The following SGMS1 variants were observed in gnomAD, a reference collection of about 807,000 sequenced individuals.
The protein encoded by SGMS1 is sphingomyelin synthase 1.
A neutral mutation model predicts 46.2 loss-of-function variants in SGMS1; 13 were observed. The observed-to-expected ratio is 0.28, with a 90% CI of 0.18 to 0.45. The LOEUF (loss-of-function observed/expected upper bound fraction) is 0.45. SGMS1 is among the 20% of genes least tolerant of loss of function. The probability of loss-of-function intolerance (pLI) is 1.00; values close to 1 mark genes in which losing one functional copy is unlikely to be tolerated. For missense variants in SGMS1, 324 were observed against 519.9 expected, an observed-to-expected ratio of 0.62 and a Z score of 3.66; for synonymous variants, 203 against 187.8, an observed-to-expected ratio of 1.08 and a Z score of -0.66.
At chr10:50,358,025 A>G (rs1426561417) in intron 6 of SGMS1, among the ~76,000 whole-genome samples, 1 of 152,214 alleles carries the variant, frequency 6.6e-6, no homozygotes, top group Non-Finnish European at 1.5e-5. Flanking sequence ...CATGCCTGTA[A>G]TCGCAAAACT....
intron 8 of SGMS1, 88 bp downstream of exon 8, chr10:50,327,117 G>T: frequency 1.3e-6 from 1 of 759,420 alleles, no homozygotes; most frequent in Non-Finnish European, 2.3e-6. Flanking sequence ...GTATTCTGAA[G>T]AAACGTTTTC....
intron 4 of SGMS1, among the ~76,000 whole-genome samples, chr10:50,462,454 T>C (rs1341553826): frequency 6.6e-6 from 1 of 152,186 alleles, no homozygotes; most frequent in East Asian, 1.9e-4. Flanking sequence ...TCTCAGTCTA[T>C]TTTGAATAAT....
rs952137208 is a variant in SGMS1, at chr10:50,542,265, G to A, written c.-588-22344C>T. Among the ~76,000 whole-genome samples, 12 of 151,996 alleles carry A rather than the reference G, an allele frequency of 7.9e-5. No homozygotes were observed. The South Asian group carries it at 1.9e-3, about 24-fold the overall frequency. ...AGGTTCTATGTCTCAAAAAATGGCC[G>A]GAAGCATGTTTATTATTCTCCTTAA... On this transcript the variant is annotated intron_variant, in intron 2 of 10. Coordinates refer to ENST00000361781, the MANE Select transcript of SGMS1 (RefSeq NM_147156.4).
chr10:50,576,260 A>C (rs1448317314), intron 2 of SGMS1, among the ~76,000 whole-genome samples: 2 of 152,186 alleles, frequency 1.3e-5, no homozygotes, highest in African/African-American at 4.8e-5. Context: ...GTTCATCCTC[A>C]TTATAGACCC....
At chr10:50,501,671 C>A (rs1837662740) in intron 3 of SGMS1, among the ~76,000 whole-genome samples, 1 of 152,146 alleles carries the variant, frequency 6.6e-6, no homozygotes, top group Non-Finnish European at 1.5e-5. Flanking sequence ...TCTAGTGAGT[C>A]ATACTTTAAT....
At chr10:50,466,384 T>C (rs1248782043) in intron 4 of SGMS1, among the ~76,000 whole-genome samples, 1 of 152,100 alleles carries the variant, frequency 6.6e-6, no homozygotes, top group Non-Finnish European at 1.5e-5. Context: ...CTACAAATTG[T>C]TACACAGTAG....
intron 1 of SGMS1, among the ~76,000 whole-genome samples, chr10:50,594,569 A>C (rs1588887187): frequency 6.6e-6 from 1 of 152,236 alleles, no homozygotes; most frequent in African/African-American, 2.4e-5. Context: ...GATTTTATTT[A>C]TAGTAATTCT....
intron 1 of SGMS1, among the ~76,000 whole-genome samples, chr10:50,608,142 A>G (rs1267534313): frequency 6.6e-6 from 1 of 152,260 alleles, no homozygotes; most frequent in Non-Finnish European, 1.5e-5. Context: ...AGCAAGATTT[A>G]GCTTTGGCAA....
At chr10:50,535,561 G>A (rs1837993203) in intron 2 of SGMS1, among the ~76,000 whole-genome samples, 1 of 152,028 alleles carries the variant, frequency 6.6e-6, no homozygotes, top group Admixed American at 6.6e-5. Context: ...GTAGAGATGG[G>A]GTTTCACCAT....
Position 50,562,364 on chromosome 10 carries a change from G to GCACA in SGMS1, c.-589+27785_-589+27788dup, listed in dbSNP as rs80161779. ...TGTGTGTGTGTGTGTGTGCGCGCGC[G>GCACA]CACACACACACACTCACACACGGGC... is the stretch of plus-strand genomic sequence containing the variant. On this transcript the variant is annotated intron_variant, in intron 2 of 10. Transcript: ENST00000361781. Among the ~76,000 whole-genome samples the GCACA allele has an allele frequency of 2.3e-3, 332 of 147,032 alleles. 1 individual carries two copies. The highest frequency in any genetic ancestry group is 0.012 in the East Asian group (59 of 4,878).
At chr10:50,361,340 A>C (rs1589406510) in intron 6 of SGMS1, among the ~76,000 whole-genome samples, 2 of 151,412 alleles carry the variant, frequency 1.3e-5, no homozygotes, top group Non-Finnish European at 2.9e-5. Context: ...CTCTCCTCAT[A>C]CCCCCAGGAT....
At chr10:50,549,552 G>C (rs149329510) in intron 2 of SGMS1, among the ~76,000 whole-genome samples, 8 of 152,262 alleles carry the variant, frequency 5.3e-5, no homozygotes, top group African/African-American at 1.9e-4. Flanking sequence ...GAGGGATGGT[G>C]GGGGAGGGAG....
intron 3 of SGMS1, among the ~76,000 whole-genome samples, chr10:50,499,976 G>A (rs1358781105): frequency 6.6e-6 from 1 of 152,202 alleles, no homozygotes; most frequent in Non-Finnish European, 1.5e-5. Context: ...AGACCAGCCT[G>A]ACCAACATGG....
At chr10:50,566,295 A>AC (rs1838287498) in intron 2 of SGMS1, among the ~76,000 whole-genome samples, 2 of 152,098 alleles carry the variant, frequency 1.3e-5, no homozygotes, top group East Asian at 3.8e-4. Flanking sequence ...TTTTTTTTTA[A>AC]CCTTTAACCT....
intron 2 of SGMS1, among the ~76,000 whole-genome samples, chr10:50,588,799 G>A (rs1224176513): frequency 7.2e-6 from 1 of 138,534 alleles, no homozygotes; most frequent in Non-Finnish European, 1.5e-5. Flanking sequence ...GCGTGATCTC[G>A]GCTCACCGCA....
At chr10:50,414,679 C>G (rs1306306596) in intron 6 of SGMS1, among the ~76,000 whole-genome samples, 1 of 152,138 alleles carries the variant, frequency 6.6e-6, no homozygotes, top group South Asian at 2.1e-4. Context: ...ACTCAAATAA[C>G]TTGCCCAGAG....
At chr10:50,397,139 T>C (rs1043938678) in intron 6 of SGMS1, among the ~76,000 whole-genome samples, 3 of 152,240 alleles carry the variant, frequency 2.0e-5, no homozygotes, top group Non-Finnish European at 4.4e-5. Context: ...AGATCTCTGA[T>C]GTAGTTGCTA....
intron 1 of SGMS1, among the ~76,000 whole-genome samples, chr10:50,607,468 T>C (rs773229118): frequency 3.9e-5 from 6 of 152,214 alleles, no homozygotes; most frequent in Non-Finnish European, 8.8e-5. Context: ...GTCATTCTTC[T>C]CCAGGGAAGA....
chr10:50,397,428 A>T (rs1848862472), intron 6 of SGMS1, among the ~76,000 whole-genome samples: 1 of 152,230 alleles, frequency 6.6e-6, no homozygotes. Context: ...GACAGGCATG[A>T]CACCAAAGCA....
Sources: gnomAD v4.1 joint callset for allele counts (sites outside exome capture counted in the v4.1 genomes callset) on GRCh38, gnomAD v4.1.1 for gene constraint, MANE v1.5 for transcripts, NCBI Gene and HGNC (gene_info 2026-07-23, HGNC 2026-07-21) for gene names.